INPP4B: variants seen among roughly 807,000 people sequenced by gnomAD.
INPP4B encodes the protein inositol polyphosphate-4-phosphatase type II B, also known as inositol polyphosphate 4-phosphatase type II.
In INPP4B, 55 loss-of-function variants were observed where a neutral mutation model predicts 122.5. That is an observed-to-expected ratio of 0.45 (90% confidence interval 0.36 to 0.56). INPP4B has a LOEUF of 0.56. Among genes scored for constraint, INPP4B ranks in the 20% least tolerant of loss-of-function variants. The probability of loss-of-function intolerance (pLI) is 0.00; values close to 1 mark genes in which losing one functional copy is unlikely to be tolerated. For missense variants in INPP4B, 1,000 were observed against 1,097.7 expected, an observed-to-expected ratio of 0.91 and a Z score of 1.26; for synonymous variants, 403 against 388.7, an observed-to-expected ratio of 1.04 and a Z score of -0.43.
intron 12 of INPP4B, among the ~76,000 whole-genome samples, chr4:142,226,794 A>G (rs991056857): frequency 7.9e-5 from 12 of 152,228 alleles, no homozygotes; most frequent in African/African-American, 2.9e-4. Context: ...TTGTGGAATT[A>G]GAATTAGAAA....
At chr4:142,590,791 T>C (rs1328050774) in intron 2 of INPP4B, among the ~76,000 whole-genome samples, 1 of 147,762 alleles carries the variant, frequency 6.8e-6, no homozygotes, top group East Asian at 2.0e-4. Flanking sequence ...CACAGTCTAG[T>C]AGCAATGAAA....
At chr4:142,332,663 T>C (rs1774980509) in intron 7 of INPP4B, among the ~76,000 whole-genome samples, 1 of 151,992 alleles carries the variant, frequency 6.6e-6, no homozygotes, top group Non-Finnish European at 1.5e-5. Flanking sequence ...AGTCTCACAA[T>C]TAGATCATAA....
At chr4:142,470,823 A>G (rs1458926226) in intron 2 of INPP4B, among the ~76,000 whole-genome samples, 2 of 152,214 alleles carry the variant, frequency 1.3e-5, no homozygotes, top group Non-Finnish European at 2.9e-5. Flanking sequence ...AATAATCCTA[A>G]ATGTATAAAA....
chr4:142,523,559 G>T (rs1826385693), intron 2 of INPP4B, among the ~76,000 whole-genome samples: 1 of 152,074 alleles, frequency 6.6e-6, no homozygotes, highest in Non-Finnish European at 1.5e-5. Flanking sequence ...GGCCAGGGTT[G>T]TAACCCTTAA....
intron 2 of INPP4B, among the ~76,000 whole-genome samples, chr4:142,719,622 C>A (rs1387181348): frequency 6.6e-6 from 1 of 151,686 alleles, no homozygotes; most frequent in African/African-American, 2.4e-5. Flanking sequence ...TTGAACCCAG[C>A]CTATAATTTT....
intron 21 of INPP4B, among the ~76,000 whole-genome samples, chr4:142,114,177 G>T (rs1242439468): frequency 6.6e-6 from 1 of 151,972 alleles, no homozygotes; most frequent in Non-Finnish European, 1.5e-5. Context: ...GAATTCTATT[G>T]TATCGATATC....
intron 7 of INPP4B, chr4:142,317,367 C>A: frequency 3.0e-6 from 1 of 331,000 alleles, no homozygotes; most frequent in South Asian, 3.1e-5. Context: ...AGGCAGATTA[C>A]ATGCTTATGA....
chr4:142,205,036 T>A (rs578211229), intron 14 of INPP4B, among the ~76,000 whole-genome samples: 2 of 152,224 alleles, frequency 1.3e-5, no homozygotes, highest in Non-Finnish European at 2.9e-5. Context: ...TTTTCTAAAT[T>A]TCTTTCTTTT....
intron 2 of INPP4B, among the ~76,000 whole-genome samples, chr4:142,618,496 T>C (rs79780731): frequency 0.014 from 2,055 of 152,164 alleles, 36 homozygotes; most frequent in African/African-American, 0.039. Flanking sequence ...AAATTGTCTC[T>C]TCAACAAACA....
chr4:142,433,389 A>C (rs965491605), intron 3 of INPP4B, among the ~76,000 whole-genome samples: 2 of 152,108 alleles, frequency 1.3e-5, no homozygotes, highest in Non-Finnish European at 2.9e-5. Flanking sequence ...CTTTTATCTT[A>C]CTCAGAAGAG....
intron 11 of INPP4B, among the ~76,000 whole-genome samples, chr4:142,243,023 T>C (rs1860271399): frequency 6.6e-6 from 1 of 152,068 alleles, no homozygotes; most frequent in Non-Finnish European, 1.5e-5. Flanking sequence ...GTCATTACTC[T>C]CCCCATGAAG....
rs543977523 is a variant in INPP4B, at chr4:142,470,125, A to G, written c.-190-7399T>C. On this transcript the variant is annotated intron_variant, in intron 2 of 25. Coordinates refer to ENST00000262992, the MANE Select transcript of INPP4B (RefSeq NM_001101669.3). ...TACTTTTGAAGCTTATAAGTGCTAG[A>G]AGAAATTATAAAGAAAACGCATAGC... Among the ~76,000 whole-genome samples the G allele has an allele frequency of 1.7e-4, 26 of 152,198 alleles. No individual in the cohort carries two copies. In the East Asian group the frequency reaches 4.6e-3, roughly 27 times the overall value.
At chr4:142,032,203 A>G (rs1740652938) in intron 25 of INPP4B, among the ~76,000 whole-genome samples, 1 of 152,144 alleles carries the variant, frequency 6.6e-6, no homozygotes, top group South Asian at 2.1e-4. Context: ...TGGAGGACAA[A>G]GGGGCATGAA....
intron 25 of INPP4B, among the ~76,000 whole-genome samples, chr4:142,051,383 A>T (rs1246259417): frequency 1.3e-5 from 2 of 152,030 alleles, no homozygotes; most frequent in Non-Finnish European, 2.9e-5. Context: ...TGGGTTAACA[A>T]AAGTTAAGTT....
chr4:142,323,697 G>T (rs1461550251), intron 7 of INPP4B, among the ~76,000 whole-genome samples: 2 of 151,420 alleles, frequency 1.3e-5, no homozygotes, highest in Non-Finnish European at 2.9e-5. Flanking sequence ...TGCCCGCCTT[G>T]GCCTCCCAAA....
At chr4:142,085,007 C>T (rs903105106) in intron 24 of INPP4B, among the ~76,000 whole-genome samples, 1 of 152,094 alleles carries the variant, frequency 6.6e-6, no homozygotes, top group African/African-American at 2.4e-5. Context: ...AAAGAGCAGC[C>T]ACACTATTAA....
At chr4:142,048,118 G>A (rs969376997) in intron 25 of INPP4B, among the ~76,000 whole-genome samples, 2 of 152,050 alleles carry the variant, frequency 1.3e-5, no homozygotes, top group African/African-American at 2.4e-5. Context: ...TCTGCAAATT[G>A]GAAAACTCAG....
intron 7 of INPP4B, among the ~76,000 whole-genome samples, chr4:142,325,321 G>GA (rs150262054): frequency 0.026 from 3,914 of 152,152 alleles, 174 homozygotes; most frequent in African/African-American, 0.09. Context: ...AACTGGAGAG[G>GA]AAAAAATGCC....
At chr4:142,271,159 T>A (rs1199905876) in intron 9 of INPP4B, among the ~76,000 whole-genome samples, 1 of 151,858 alleles carries the variant, frequency 6.6e-6, no homozygotes, top group Non-Finnish European at 1.5e-5. Flanking sequence ...GTCAGGCTGG[T>A]GTCAAACTCC....
Sources: gnomAD v4.1 joint callset for allele counts (sites outside exome capture counted in the v4.1 genomes callset) on GRCh38, gnomAD v4.1.1 for gene constraint, MANE v1.5 for transcripts, NCBI Gene and HGNC (gene_info 2026-07-23, HGNC 2026-07-21) for gene names.